The following IL31RA variants were observed in gnomAD, a reference collection of about 807,000 sequenced individuals.
IL31RA encodes interleukin 31 receptor A.
A neutral mutation model predicts 83.7 loss-of-function variants in IL31RA; 66 were observed. The ratio of observed to expected loss-of-function variants is 0.79; its 90% CI spans 0.65 to 0.97. IL31RA has a LOEUF of 0.97. IL31RA is among the 50% of genes least tolerant of loss of function. IL31RA has a pLI of 0.00. For missense variants in IL31RA, 798 were observed against 919.4 expected (o/e 0.87, Z 1.71); for synonymous variants, 325 against 329.0 (o/e 0.99, Z 0.13).
intron 13 of IL31RA, 66 bp from the exon 14 acceptor site, chr5:55,914,781 A>G (rs897494005): frequency 8.8e-7 from 1 of 1,137,326 alleles, no homozygotes; most frequent in Non-Finnish European, 1.3e-6. Flanking sequence ...CACTCTTTTG[A>G]CTCAGCCATA....
intron 1 of IL31RA, among the ~76,000 whole-genome samples, chr5:55,852,937 G>A (rs1745147730): frequency 6.6e-6 from 1 of 152,180 alleles, no homozygotes. Flanking sequence ...TTAATGTGAA[G>A]TTCTTAGTAC....
In IL31RA at chr5:55,897,768, GAA is replaced by G. The variant is rs377738524; in HGVS notation, c.852+1345_852+1346del. On this transcript the variant is annotated intron_variant, in intron 7 of 14. Coordinates refer to ENST00000652347, the MANE Select transcript of IL31RA (RefSeq NM_139017.7). ...ACAGAAAAGGAAAAGGGCAGATGGA[GAA>G]AAAAAGAGTGAAAAGATGGGGAAGA... 2.7e-3 allele frequency among the ~76,000 whole-genome samples: 409 copies of G among 152,094 alleles called. 1 individual carries two copies. The highest frequency in any genetic ancestry group is 4.6e-3 in the Non-Finnish European group (311 of 67,976).
Position 55,851,478 on chromosome 5 carries a change from A to G in IL31RA, c.-93A>G. ...GCAAAAAAAAATAGTAATAACCAGC[A>G]TGGCACTAAATAGACCATGAAAAGA... On this transcript the variant is annotated 5_prime_UTR_variant, in exon 1 of 15. An upstream start codon of the reference 5' UTR is lost. Transcript: ENST00000652347. 1.2e-6 allele frequency: 2 copies of G among 1,612,868 alleles called. No individual in the cohort carries two copies. Among genetic ancestry groups the G allele is most frequent in the Non-Finnish European group, 1.7e-6 (2 of 1,179,122 alleles).
intron 5 of IL31RA, among the ~76,000 whole-genome samples, chr5:55,884,230 T>C (rs1013929504): frequency 6.6e-6 from 1 of 152,244 alleles, no homozygotes; most frequent in East Asian, 1.9e-4. Context: ...CTATGTGGCA[T>C]GACGTTTCAC....
upstream of IL31RA, among the ~76,000 whole-genome samples, chr5:55,850,868 A>G (rs540017441): frequency 3.3e-5 from 5 of 152,272 alleles, no homozygotes; most frequent in Middle Eastern, 3.4e-3. Context: ...AGGCAGGTGG[A>G]TCACCTGAGG....
At position 55,876,606 on chromosome 5, in the gene IL31RA, G is replaced by A. The variant is rs564043116; in HGVS notation, c.454+4155G>A. On this transcript the variant is annotated intron_variant, in intron 4 of 14. Transcript: ENST00000652347. Reference sequence around the variant, plus strand: ...TATGCATCAGTTTTTGACTTAAAATGTATTCTGTCTGATTTTAGTATGCCC... The same window carrying A: ...TATGCATCAGTTTTTGACTTAAAATATATTCTGTCTGATTTTAGTATGCCC... 2.6e-5 allele frequency among the ~76,000 whole-genome samples: 4 copies of A among 152,212 alleles called. No homozygotes were observed. In the South Asian group the frequency reaches 8.3e-4, roughly 32 times the overall value.
chr5:55,858,943 G>T (rs1015352250), intron 1 of IL31RA, among the ~76,000 whole-genome samples: 2 of 152,228 alleles, frequency 1.3e-5, no homozygotes, highest in African/African-American at 4.8e-5. Context: ...GGCAGATGCT[G>T]TAGGACACAT....
At chr5:55,889,229 C>G (rs1409932638) in intron 5 of IL31RA, among the ~76,000 whole-genome samples, 3 of 152,202 alleles carry the variant, frequency 2.0e-5, no homozygotes, top group African/African-American at 4.8e-5. Flanking sequence ...TGTTTAGTTT[C>G]TCTTGGAGAG....
In IL31RA at chr5:55,897,015, A is replaced by ATATAT. The variant is rs1413221761; in HGVS notation, c.852+587_852+588insATATT. The stretch of plus-strand genomic sequence containing the variant: ...AAAAAAAAAAAATATATATATATAT[A>ATATAT]TTTTTTTTTTTTTTGGTTGAGGCTG... On this transcript the variant is annotated intron_variant, in intron 7 of 14. Coordinates refer to ENST00000652347, the MANE Select transcript of IL31RA (RefSeq NM_139017.7). Among the ~76,000 whole-genome samples, 8 of 842 alleles carry ATATAT rather than the reference A, an allele frequency of 9.5e-3. 3 individuals are homozygous for ATATAT. Among genetic ancestry groups the ATATAT allele is most frequent in the African/African-American group, 0.078 (7 of 90 alleles). 0.6% of individuals were successfully genotyped at this position (842 alleles called of 152,430 possible). A position where few individuals can be genotyped will look rare whatever the true frequency, so the allele number is the denominator to read the frequency against.
chr5:55,861,788 T>C (rs1745704308), intron 2 of IL31RA, among the ~76,000 whole-genome samples: 1 of 152,222 alleles, frequency 6.6e-6, no homozygotes, highest in South Asian at 2.1e-4. Flanking sequence ...CTTCCTATGT[T>C]GTACATATAC....
At chr5:55,908,778 G>A in intron 11 of IL31RA, 1 of 1,411,056 alleles carries the variant, frequency 7.1e-7, no homozygotes, top group Non-Finnish European at 9.2e-7. Context: ...GACTTCTACT[G>A]CCCCTGCCAA....
At chr5:55,883,266 G>A in intron 5 of IL31RA, 71 bp downstream of exon 5, 1 of 1,280,440 alleles carries the variant, frequency 7.8e-7, no homozygotes, top group Non-Finnish European at 1.1e-6. Flanking sequence ...AACTATTGTT[G>A]ACCTGGAATC....
rs1233949514 is a variant in IL31RA, at chr5:55,918,336, AC to A, written c.*1217del. Among the ~76,000 whole-genome samples, 1 of 152,090 alleles carries A rather than the reference AC, an allele frequency of 6.6e-6. No individual in the cohort carries two copies. The highest frequency in any genetic ancestry group is 1.5e-5 in the Non-Finnish European group (1 of 68,018). On this transcript the variant is annotated 3_prime_UTR_variant, in exon 15 of 15. Coordinates refer to ENST00000652347, the MANE Select transcript of IL31RA (RefSeq NM_139017.7). ...TTCTAGGAGAGTTTGAGGAATCAGT[AC>A]TAGGATTGCAGGCATGAACTTCGCA...
chr5:55,916,693 G>A lies in IL31RA; in HGVS notation c.1868G>A (p.Arg623Lys). ...GATGACTCTGTGAACACAGAAGACA[G>A]GATCTTAAAACCATGTTCCACCCCC... Reference protein sequence around the residue: ...ESDDSVNTEDRILKPCSTPSD... With the variant: ...ESDDSVNTEDKILKPCSTPSD... The change falls in exon 15 of 15, where the codon AGG (arginine) becomes AAG (lysine). Residue 623 changes from arginine to lysine, a missense_variant. Coordinates refer to ENST00000652347, the MANE Select transcript of IL31RA (RefSeq NM_139017.7). 1 of 1,614,204 alleles carries A rather than the reference G, an allele frequency of 6.2e-7. No homozygotes were observed. The highest frequency in any genetic ancestry group is 8.5e-7 in the Non-Finnish European group (1 of 1,180,030).
At chr5:55,861,513 G>C (rs1580655240) in intron 2 of IL31RA, among the ~76,000 whole-genome samples, 1 of 152,184 alleles carries the variant, frequency 6.6e-6, no homozygotes, top group Admixed American at 6.5e-5. Context: ...ATGATCTGAG[G>C]TGAAACAGTT....
At chr5:55,849,216 C>CT (rs909281778), upstream of IL31RA, among the ~76,000 whole-genome samples, 159 of 146,356 alleles carry the variant, frequency 1.1e-3, no homozygotes, top group South Asian at 1.5e-3. Context: ...TTTCTTTTAG[C>CT]TTTTTTTTTT....
chr5:55,876,423 G>T (rs1746856569), intron 4 of IL31RA, among the ~76,000 whole-genome samples: 1 of 152,082 alleles, frequency 6.6e-6, no homozygotes, highest in Non-Finnish European at 1.5e-5. Flanking sequence ...TATATATTTT[G>T]ATCTCTAATT....
chr5:55,864,352 C>CACAT (rs1554084853), intron 2 of IL31RA, among the ~76,000 whole-genome samples: 7 of 146,936 alleles, frequency 4.8e-5, no homozygotes, highest in African/African-American at 1.0e-4. Context: ...CACACACACA[C>CACAT]ACACCACACA....
At chr5:55,900,446 T>C (rs1207022893) in intron 8 of IL31RA, among the ~76,000 whole-genome samples, 1 of 152,130 alleles carries the variant, frequency 6.6e-6, no homozygotes, top group African/African-American at 2.4e-5. Flanking sequence ...GGTCAAGTCC[T>C]ATGAAACTGT....
Sources: gnomAD v4.1 joint callset for allele counts (sites outside exome capture counted in the v4.1 genomes callset) on GRCh38, gnomAD v4.1.1 for gene constraint, MANE v1.5 for transcripts, NCBI Gene and HGNC (gene_info 2026-07-23, HGNC 2026-07-21) for gene names.